CRY2: variants seen among roughly 807,000 people sequenced by gnomAD.
CRY2 encodes cryptochrome-2.
CRY2 carries 31 observed loss-of-function variants against 69.5 expected under a neutral mutation model. That is an observed-to-expected ratio of 0.45 (90% CI 0.34 to 0.60). The LOEUF (loss-of-function observed/expected upper bound fraction) is 0.60, where lower values mean the gene tolerates loss of function less well. CRY2 is among the 20% of genes least tolerant of loss of function. CRY2 has a pLI of 0.02. For missense variants in CRY2, 606 were observed against 797.8 expected, an observed-to-expected ratio of 0.76 and a Z score of 2.90; for synonymous variants, 303 against 312.2, an observed-to-expected ratio of 0.97 and a Z score of 0.31.
At chr11:45,856,170 C>T (rs534865692) in intron 2 of CRY2, 80 bp downstream of exon 2, 21 of 1,165,776 alleles carry the variant, frequency 1.8e-5, no homozygotes, top group Admixed American at 1.1e-4. Context: ...TATGATATTC[C>T]GACTGAGGGA....
At chr11:45,863,240 G>A (rs1313387523) in intron 5 of CRY2, among the ~76,000 whole-genome samples, 1 of 152,224 alleles carries the variant, frequency 6.6e-6, no homozygotes, top group African/African-American at 2.4e-5. Context: ...TGAAGACAAA[G>A]GTTGGGCCAA....
chr11:45,869,609 A>C lies in CRY2; in HGVS notation c.986A>C (p.Glu329Ala). ...ATNNPRFDRM[E>A]GNPICIQIPW... ...AACAACCCCAGGTTTGACCGCATGG[A>C]GGGGAACCCCATCTGCATCCAGATC... is the stretch of plus-strand genomic sequence containing the variant. The change falls in exon 7 of 12, where the codon GAG (glutamate) becomes GCG (alanine). Residue 329 changes from glutamate to alanine, a missense_variant. By Grantham distance (107) the Glu-to-Ala change is moderately radical (BLOSUM62 -1). Around this residue, in one of 5 missense-constraint regions of CRY2, gnomAD observed 382 missense variants for 508.9 expected, o/e 0.75. Transcript: ENST00000616080. 6.2e-7 allele frequency: 1 copy of C among 1,614,244 alleles called. No homozygotes were observed. Among genetic ancestry groups the C allele is most frequent in the Non-Finnish European group, 8.5e-7 (1 of 1,180,040 alleles).
At chr11:45,861,977 A>G in intron 4 of CRY2, 83 bp from the exon 5 acceptor site, 1 of 1,193,978 alleles carries the variant, frequency 8.4e-7, no homozygotes, top group South Asian at 1.3e-5. Context: ...CAATTCTCAT[A>G]AAGTTCAAAT....
At chr11:45,851,555 T>C (rs2134627444) in intron 1 of CRY2, among the ~76,000 whole-genome samples, 1 of 152,342 alleles carries the variant, frequency 6.6e-6, no homozygotes, top group East Asian at 1.9e-4. Flanking sequence ...GGCACTTTAC[T>C]GTTCTGCTGC....
At chr11:45,851,044 T>C (rs184825683) in intron 1 of CRY2, among the ~76,000 whole-genome samples, 7 of 141,816 alleles carry the variant, frequency 4.9e-5, no homozygotes, top group South Asian at 2.3e-4. Context: ...TTTTTTTTTT[T>C]CCAAGTGCTA....
intron 5 of CRY2, among the ~76,000 whole-genome samples, chr11:45,864,798 G>A (rs2086316458): frequency 6.6e-6 from 1 of 152,084 alleles, no homozygotes. Flanking sequence ...AACCTGGGAG[G>A]CGGAGGTTGC....
intron 2 of CRY2, 122 bp downstream of exon 2, chr11:45,856,212 T>C (rs937100868): frequency 3.2e-5 from 27 of 853,648 alleles, no homozygotes; most frequent in Non-Finnish European, 4.6e-5. Context: ...TGGCTGTTGC[T>C]GCTAGAGAAG....
chr11:45,860,792 G>A (rs2086281387), intron 3 of CRY2, 56 bp from the exon 4 acceptor site: 1 of 1,573,880 alleles, frequency 6.4e-7, no homozygotes. Flanking sequence ...TGGGTGGGCA[G>A]GGACCCACAT....
intron 6 of CRY2, among the ~76,000 whole-genome samples, chr11:45,868,969 A>G (rs1025343556): frequency 3.3e-5 from 5 of 152,128 alleles, no homozygotes; most frequent in African/African-American, 9.7e-5. Flanking sequence ...CCTTGCCATT[A>G]TTGAGATTTT....
At chr11:45,872,664 C>T (rs1209657110) in intron 11 of CRY2, among the ~76,000 whole-genome samples, 3 of 152,138 alleles carry the variant, frequency 2.0e-5, no homozygotes, top group Non-Finnish European at 2.9e-5. Context: ...ACCATTCTGA[C>T]TTTTATCAGA....
chr11:45,876,730 G>C (rs1451031407), intron 11 of CRY2, among the ~76,000 whole-genome samples: 2 of 152,218 alleles, frequency 1.3e-5, no homozygotes. Flanking sequence ...AGTAAAACCT[G>C]ACTTCTGGAT....
Position 45,882,856 on chromosome 11 carries a change from G to A in CRY2, c.*1945G>A, listed in dbSNP as rs1346171086. 5.0e-6 allele frequency: 2 copies of A among 396,950 alleles called. No homozygotes were observed. The highest frequency in any genetic ancestry group is 4.1e-5 in the African/African-American group (2 of 48,610). 24.6% of individuals were successfully genotyped at this position (396,950 alleles called of 1,614,324 possible). A position where few individuals can be genotyped will look rare whatever the true frequency, so the allele number is the denominator to read the frequency against. On this transcript the variant is annotated 3_prime_UTR_variant, in exon 12 of 12. Transcript: ENST00000616080. ...TGATTCCTTTTCCTGCCTGTCTGCT[G>A]CTGGCTCTCTTCCCTAAGGTACAGG...
At chr11:45,867,446 C>A in intron 5 of CRY2, 166 bp from the exon 6 acceptor site, 5 of 764,562 alleles carry the variant, frequency 6.5e-6, no homozygotes, top group Non-Finnish European at 6.3e-6. Context: ...GTTGTTTGGT[C>A]TGATGGTGGT....
rs908801778 is a variant in CRY2, at chr11:45,872,111, T to G, written c.1662T>G (p.Ser554Arg). Residue 554 changes from serine to arginine, a missense_variant, in exon 11 of 12, where the codon AGT (serine) becomes AGG (arginine). By Grantham distance (110) the Ser-to-Arg change is moderately radical. Around this residue, in one of 5 missense-constraint regions of CRY2, gnomAD observed 173 missense variants for 213.7 expected, o/e 0.81. Coordinates refer to ENST00000616080, the MANE Select transcript of CRY2 (RefSeq NM_021117.5). ...MSSAGPRPLP[S>R]GPASPKRKLE... is the part of the protein sequence containing the mutation. ...CTACAGGCCCAAGACCACTACCCAGTGGCCCAGCATCCCCCAAACGCAAGC... is the reference window on the plus strand; with the variant it reads ...CTACAGGCCCAAGACCACTACCCAGGGGCCCAGCATCCCCCAAACGCAAGC... 6.2e-7 allele frequency: 1 copy of G among 1,613,928 alleles called. No individual in the cohort carries two copies. Among genetic ancestry groups the G allele is most frequent in the Admixed American group, 1.7e-5 (1 of 59,992 alleles).
intron 1 of CRY2, among the ~76,000 whole-genome samples, chr11:45,854,483 A>G (rs1407865510): frequency 3.9e-5 from 6 of 152,226 alleles, no homozygotes; most frequent in African/African-American, 1.4e-4. Context: ...CAGGAGTTCA[A>G]GACCAACCTG....
intron 9 of CRY2, 142 bp from the exon 10 acceptor site, chr11:45,870,700 T>G: frequency 9.1e-7 from 1 of 1,097,784 alleles, no homozygotes; most frequent in East Asian, 2.6e-5. Context: ...TGGGCCTTCC[T>G]GAGTAGTTGT....
chr11:45,861,048 C>T lies in CRY2; in HGVS notation c.652+16C>T, dbSNP rs748271332. On this transcript the variant is annotated intron_variant, in intron 4 of 11. Coordinates refer to ENST00000616080, the MANE Select transcript of CRY2 (RefSeq NM_021117.5). Reference sequence around the variant, plus strand: ...GAGGAGCTGGGTGCGTACTTCCTGCCCAGAGCCACTTGTGCTGGTGCCTGC... The same window carrying T: ...GAGGAGCTGGGTGCGTACTTCCTGCTCAGAGCCACTTGTGCTGGTGCCTGC... The T allele has an allele frequency of 1.9e-6, 3 of 1,601,916 alleles. No individual in the cohort carries two copies. The highest frequency in any genetic ancestry group is 1.7e-6 in the Non-Finnish European group (2 of 1,173,412).
chr11:45,854,932 T>C (rs1253151685), intron 1 of CRY2, among the ~76,000 whole-genome samples: 2 of 152,216 alleles, frequency 1.3e-5, no homozygotes, highest in Non-Finnish European at 2.9e-5. Context: ...CAAAATCCCA[T>C]TGATAACCTT....
chr11:45,867,848 G>T, intron 6 of CRY2, 96 bp downstream of exon 6: 1 of 1,537,210 alleles, frequency 6.5e-7, no homozygotes, highest in South Asian at 1.2e-5. Context: ...GTGGGTGGGG[G>T]TTGGGCTATG....
Sources: allele counts gnomAD v4.1 joint callset (sites outside exome capture counted in the v4.1 genomes callset), GRCh38; gene constraint gnomAD v4.1.1; regional missense constraint gnomAD v4.1.1; transcripts MANE v1.5; gene names NCBI Gene and HGNC (gene_info 2026-07-23, HGNC 2026-07-21).